AKAP6: variants seen among roughly 807,000 people sequenced by gnomAD.
AKAP6 encodes the protein A-kinase anchoring protein 6.
A neutral mutation model predicts 188.5 loss-of-function variants in AKAP6; 58 were observed. The observed-to-expected ratio is 0.31, with a 90% CI of 0.25 to 0.38. The LOEUF (loss-of-function observed/expected upper bound fraction) is 0.38, where lower values mean the gene tolerates loss of function less well. Among genes scored for constraint, AKAP6 ranks in the 10% least tolerant of loss-of-function variants. The pLI is 1.00. For missense variants in AKAP6, 2,710 were observed against 2,740.0 expected, an observed-to-expected ratio of 0.99 and a Z score of 0.24; for synonymous variants, 989 against 998.6, an observed-to-expected ratio of 0.99 and a Z score of 0.18.
rs769476908 is a variant in AKAP6, at chr14:32,546,499, A to G, written c.1846A>G (p.Arg616Gly). Reference sequence around the variant, plus strand: ...AGCCTCCTCTCCAAGTCACGTCACTAGGAATGGTGAGGTTGTGGAGGCCTG... The same window carrying G: ...AGCCTCCTCTCCAAGTCACGTCACTGGGAATGGTGAGGTTGTGGAGGCCTG... ...GQASSPSHVTRNGEVVEAWYG... is the reference protein window; with the variant it reads ...GQASSPSHVTGNGEVVEAWYG... Residue 616 changes from arginine (R) to glycine (G), a missense_variant, in exon 4 of 14, where the codon AGG (arginine) becomes GGG (glycine). Transcript: ENST00000280979. The G allele has an allele frequency of 6.2e-7, 1 of 1,614,210 alleles. No individual in the cohort carries two copies. Among genetic ancestry groups the G allele is most frequent in the East Asian group, 2.2e-5 (1 of 44,888 alleles).
In AKAP6 at chr14:32,524,620, A is replaced by G. The variant is rs139438640; in HGVS notation, c.325-10934A>G. Reference sequence around the variant, plus strand: ...CTGCCCTAGAGATTATTACAACACTATCAGTACTGGGTAAATAAAGTTATG... The same window carrying G: ...CTGCCCTAGAGATTATTACAACACTGTCAGTACTGGGTAAATAAAGTTATG... On this transcript the variant is annotated intron_variant, in intron 2 of 13. Coordinates refer to ENST00000280979, the MANE Select transcript of AKAP6 (RefSeq NM_004274.5). 9.1e-3 allele frequency among the ~76,000 whole-genome samples: 1,380 copies of G among 152,266 alleles called. 23 individuals are homozygous for G. The highest frequency in any genetic ancestry group is 0.029 in the African/African-American group (1,212 of 41,560).
intron 1 of AKAP6, among the ~76,000 whole-genome samples, chr14:32,406,712 TAAAGTAGAA>T (rs1462088763): frequency 6.6e-6 from 1 of 152,042 alleles, no homozygotes; most frequent in Non-Finnish European, 1.5e-5. Flanking sequence ...CACAGCAAAG[TAAAGTAGAA>T]AAGAAAGAGA....
intron 7 of AKAP6, among the ~76,000 whole-genome samples, chr14:32,614,288 T>C (rs945689777): frequency 6.6e-6 from 1 of 152,214 alleles, no homozygotes; most frequent in African/African-American, 2.4e-5. Flanking sequence ...TTGTCTCAGT[T>C]GTACACAAAA....
chr14:32,558,105 G>T (rs1883770148), intron 4 of AKAP6, among the ~76,000 whole-genome samples: 1 of 152,160 alleles, frequency 6.6e-6, no homozygotes, highest in Admixed American at 6.5e-5. Context: ...CAAGGAAAAA[G>T]CCAGATTCTT....
At chr14:32,732,767 C>T (rs2031240598) in intron 10 of AKAP6, 167 bp downstream of exon 10, 1 of 779,344 alleles carries the variant, frequency 1.3e-6, no homozygotes, top group Non-Finnish European at 2.0e-6. Flanking sequence ...TGCTTTTCCT[C>T]TTCTGTTGAT....
intron 1 of AKAP6, among the ~76,000 whole-genome samples, chr14:32,410,982 T>C (rs1271553655): frequency 6.6e-6 from 1 of 152,218 alleles, no homozygotes; most frequent in African/African-American, 2.4e-5. Flanking sequence ...TCCATTAATA[T>C]CTAAGAAGCT....
chr14:32,584,726 A>G (rs1476685070), intron 5 of AKAP6, among the ~76,000 whole-genome samples: 1 of 152,184 alleles, frequency 6.6e-6, no homozygotes, highest in Admixed American at 6.5e-5. Context: ...GATTTTATAT[A>G]AATTTAATAA....
chr14:32,742,646 A>T (rs2031730360), intron 11 of AKAP6, among the ~76,000 whole-genome samples: 1 of 151,822 alleles, frequency 6.6e-6, no homozygotes, highest in African/African-American at 2.4e-5. Flanking sequence ...TCAGGAGTGT[A>T]TTGTTTAATT....
intron 2 of AKAP6, among the ~76,000 whole-genome samples, chr14:32,451,797 C>T (rs927265634): frequency 1.3e-5 from 2 of 151,950 alleles, no homozygotes; most frequent in African/African-American, 4.8e-5. Flanking sequence ...TTCTTAGTCA[C>T]ACTAGCCACC....
intron 2 of AKAP6, among the ~76,000 whole-genome samples, chr14:32,452,934 C>G (rs1890988045): frequency 6.6e-6 from 1 of 152,128 alleles, no homozygotes; most frequent in South Asian, 2.1e-4. Context: ...GTGCTACTGT[C>G]ACGTATAGTA....
intron 2 of AKAP6, among the ~76,000 whole-genome samples, chr14:32,499,555 T>C (rs906651522): frequency 3.9e-5 from 6 of 151,902 alleles, no homozygotes; most frequent in Non-Finnish European, 5.9e-5. Context: ...GTTTAGAAGA[T>C]AAATATGGTA....
intron 2 of AKAP6, among the ~76,000 whole-genome samples, chr14:32,476,670 G>A (rs575404404): frequency 6.6e-6 from 1 of 152,230 alleles, no homozygotes; most frequent in Admixed American, 6.5e-5. Context: ...TAATAGGGAG[G>A]GATTTTCCGT....
intron 7 of AKAP6, among the ~76,000 whole-genome samples, chr14:32,663,128 A>G (rs1372579086): frequency 6.6e-6 from 1 of 152,010 alleles, no homozygotes; most frequent in Non-Finnish European, 1.5e-5. Context: ...TTTAGTGCTT[A>G]TATTTCCCAC....
intron 1 of AKAP6, among the ~76,000 whole-genome samples, chr14:32,387,519 ATTGT>A (rs1681186338): frequency 2.0e-5 from 3 of 147,798 alleles, no homozygotes; most frequent in Non-Finnish European, 3.0e-5. Flanking sequence ...TAATATATGT[ATTGT>A]TTATTATTTA....
intron 1 of AKAP6, among the ~76,000 whole-genome samples, chr14:32,423,747 TACA>T (rs925985198): frequency 1.3e-5 from 2 of 152,270 alleles, no homozygotes; most frequent in Admixed American, 6.5e-5. Flanking sequence ...TGCCTATTTT[TACA>T]ACGTTTTAAC....
At chr14:32,424,287 C>T (rs1235375685) in intron 1 of AKAP6, among the ~76,000 whole-genome samples, 1 of 152,028 alleles carries the variant, frequency 6.6e-6, no homozygotes, top group African/African-American at 2.4e-5. Context: ...TATAATATGG[C>T]AGCAACTTAC....
In AKAP6 at chr14:32,600,700, A is replaced by G; in HGVS notation, c.2638A>G (p.Ser880Gly). 10 of 1,613,718 alleles carry G rather than the reference A, an allele frequency of 6.2e-6. No homozygotes were observed. Among genetic ancestry groups the G allele is most frequent in the Middle Eastern group, 1.7e-4 (1 of 6,006 alleles). ...ELQRQIKRQH[S>G]WILRALDTIK... ...GCAGAGGCAAATCAAACGGCAGCACAGCTGGATTCTCAGGGCTCTGGATAC... is the reference window on the plus strand; with the variant it reads ...GCAGAGGCAAATCAAACGGCAGCACGGCTGGATTCTCAGGGCTCTGGATAC... Residue 880 changes from serine (S) to glycine (G), a missense_variant, in exon 7 of 14, where the codon AGC becomes GGC. Coordinates refer to ENST00000280979, the MANE Select transcript of AKAP6 (RefSeq NM_004274.5).
rs576994784 is a variant in AKAP6 at position 32,756,686 on chromosome 14, G to A, written c.3373-16992G>A. Among the ~76,000 whole-genome samples the A allele has an allele frequency of 3.9e-5, 6 of 152,316 alleles. No homozygotes were observed. The South Asian group carries it at 1.2e-3, about 32-fold the overall frequency. Reference sequence around the variant, plus strand: ...CTGCAGGAGCTAGCTTAGAGCCTAAGGCCACAGGGGCCAGCCTGATGCTGG... The same window carrying A: ...CTGCAGGAGCTAGCTTAGAGCCTAAAGCCACAGGGGCCAGCCTGATGCTGG... On this transcript the variant is annotated intron_variant, in intron 11 of 13. Transcript: ENST00000280979.
At chr14:32,489,164 G>A (rs1879862845) in intron 2 of AKAP6, among the ~76,000 whole-genome samples, 1 of 151,968 alleles carries the variant, frequency 6.6e-6, no homozygotes, top group Non-Finnish European at 1.5e-5. Flanking sequence ...TACTATTCAG[G>A]TCTTCCTTTA....
Sources: gnomAD v4.1 joint callset for allele counts (sites outside exome capture counted in the v4.1 genomes callset) on GRCh38, gnomAD v4.1.1 for gene constraint, MANE v1.5 for transcripts, NCBI Gene and HGNC (gene_info 2026-07-23, HGNC 2026-07-21) for gene names.